Variants in SLC16A2 observed in about 807,000 individuals in gnomAD.
The protein encoded by SLC16A2 is solute carrier family 16 member 2.
Under a neutral mutation model 27.2 loss-of-function variants are expected in SLC16A2, and 3 were observed. That is an observed-to-expected ratio of 0.11 (90% confidence interval 0.05 to 0.28). SLC16A2 has a LOEUF of 0.28. Ranked by LOEUF, SLC16A2 falls within the 10% of genes least tolerant of loss-of-function variation. The pLI is 1.00. For synonymous variants in SLC16A2, 202 were observed against 187.8 expected (o/e 1.08, Z -0.62); for missense variants, 295 against 458.5 (o/e 0.64, Z 3.26).
At chrX:74,527,154 A>T (rs756259258) in intron 4 of SLC16A2, among the ~76,000 whole-genome samples, 5 of 112,276 alleles carry the variant, frequency 4.5e-5, no homozygotes, top group Non-Finnish European at 9.4e-5. Flanking sequence ...AGCCAGTTAG[A>T]GGCCAAGATA....
At chrX:74,472,984 C>T in intron 1 of SLC16A2, 1 of 457,504 alleles carries the variant, frequency 2.2e-6, no homozygotes, top group Non-Finnish European at 3.9e-6. Context: ...ACTTCTCTGG[C>T]TCTCCGCTCC....
chrX:74,506,942 T>TTATTTATTTA (rs1569296956), intron 1 of SLC16A2, among the ~76,000 whole-genome samples: 1 of 49,723 alleles, frequency 2.0e-5, no homozygotes, highest in East Asian at 3.9e-4. Flanking sequence ...TATTTATTTT[T>TTATTTATTTA]TTTTTTTTGA....
chrX:74,516,623 A>G, intron 1 of SLC16A2, among the ~76,000 whole-genome samples: 1 of 111,734 alleles, frequency 8.9e-6, no homozygotes, highest in Middle Eastern at 4.6e-3. Flanking sequence ...TAAAAAAGGT[A>G]TACAAAGGAA....
intron 1 of SLC16A2, among the ~76,000 whole-genome samples, chrX:74,495,755 C>T (rs1043961925): frequency 2.7e-5 from 3 of 111,418 alleles, no homozygotes; most frequent in Non-Finnish European, 5.7e-5. Flanking sequence ...CCTTTACTGT[C>T]AGGAAGGTCT....
At chrX:74,487,265 A>G in intron 1 of SLC16A2, among the ~76,000 whole-genome samples, 1 of 110,658 alleles carries the variant, frequency 9.0e-6, no homozygotes, top group Non-Finnish European at 1.9e-5. Context: ...GGGTCCCTTA[A>G]CCCTCAAATT....
At chrX:74,430,296 A>C (rs1301734018) in intron 1 of SLC16A2, among the ~76,000 whole-genome samples, 1 of 112,039 alleles carries the variant, frequency 8.9e-6, no homozygotes, top group Non-Finnish European at 1.9e-5. Context: ...TTGGACCCAG[A>C]CAGTCTGAGT....
chrX:74,450,045 C>A (rs1386071800), intron 1 of SLC16A2, among the ~76,000 whole-genome samples: 1 of 112,005 alleles, frequency 8.9e-6, no homozygotes, highest in African/African-American at 3.2e-5. Context: ...ATTTTAGCAT[C>A]GCTCAAAGCC....
At chrX:74,466,797 G>T (rs749232958) in intron 1 of SLC16A2, among the ~76,000 whole-genome samples, 3 of 111,974 alleles carry the variant, frequency 2.7e-5, no homozygotes, top group African/African-American at 9.7e-5. Context: ...TAAAAACAAC[G>T]TTGTCCTTCC....
chrX:74,511,318 A>ACTAT (rs1209083820), intron 1 of SLC16A2, among the ~76,000 whole-genome samples: 1 of 110,133 alleles, frequency 9.1e-6, no homozygotes, highest in African/African-American at 3.3e-5. Flanking sequence ...AGTAGCTGGG[A>ACTAT]CTATAGGCAC....
Position 74,421,807 on chromosome X carries a change from C to T in SLC16A2, c.170C>T (p.Pro57Leu). ...CCCGAGCCCCAGCCGGAGCCCCAGC[C>T]CCTACCGGACCCCGCACCCCTGCCG... ...PPPEPQPEPQPLPDPAPLPEL... is the reference protein window; with the variant it reads ...PPPEPQPEPQLLPDPAPLPEL... Residue 57 changes from proline (P) to leucine (L), a missense_variant, in exon 1 of 6, where the codon CCC becomes CTC. Physicochemically the swap from Pro to Leu is moderately conservative, Grantham distance 98 (BLOSUM62 -3). This residue lies in a region of SLC16A2 where 92 missense variants were observed against 85.1 expected (regional missense o/e 1.08). Coordinates refer to ENST00000587091, the MANE Select transcript of SLC16A2 (RefSeq NM_006517.5). The T allele has an allele frequency of 8.6e-7, 1 of 1,163,068 alleles. No individual in the cohort carries two copies. The highest frequency in any genetic ancestry group is 3.1e-5 in the East Asian group (1 of 32,196).
intron 1 of SLC16A2, among the ~76,000 whole-genome samples, chrX:74,471,142 C>G (rs1929348301): frequency 9.0e-6 from 1 of 111,658 alleles, no homozygotes; most frequent in African/African-American, 3.3e-5. Context: ...ATGGATTGTG[C>G]CTTTGTTGTT....
chrX:74,448,924 A>G (rs523649), intron 1 of SLC16A2, among the ~76,000 whole-genome samples: 49,479 of 109,911 alleles, frequency 0.45, 9,066 homozygotes, highest in East Asian at 0.96. Context: ...ACAGCCCCTG[A>G]GAGTTGTTCC....
chrX:74,442,017 T>C (rs1315889994), intron 1 of SLC16A2, among the ~76,000 whole-genome samples: 1 of 108,178 alleles, frequency 9.2e-6, no homozygotes, highest in Non-Finnish European at 1.9e-5. Context: ...TCACCTGAGG[T>C]TGGGAGTTGA....
chrX:74,501,613 G>C (rs1930037124), intron 1 of SLC16A2, among the ~76,000 whole-genome samples: 1 of 111,211 alleles, frequency 9.0e-6, no homozygotes, highest in South Asian at 3.9e-4. Flanking sequence ...TCCAGCAAAA[G>C]TTACCACATG....
rs939425855 is a variant in SLC16A2, at chrX:74,496,066, C to T, written c.431-24924C>T. On this transcript the variant is annotated intron_variant, in intron 1 of 5. Transcript: ENST00000587091. ...GGTCTTCCAGATAAGGAAGCAGGAA[C>T]TTTCCCCAGGAAACACAGAGCTGGA... Among the ~76,000 whole-genome samples the T allele has an allele frequency of 9.8e-5, 11 of 111,703 alleles. No individual in the cohort carries two copies. In the South Asian group the frequency reaches 1.1e-3, roughly 12 times the overall value.
In SLC16A2 at chrX:74,521,069, C is replaced by T; in HGVS notation, c.510C>T (p.Cys170=). The T allele has an allele frequency of 8.3e-7, 1 of 1,211,953 alleles. No individual in the cohort carries two copies. Among genetic ancestry groups the T allele is most frequent in the Non-Finnish European group, 1.1e-6 (1 of 895,454 alleles). The change falls in exon 2 of 6, where the codon TGC becomes TGT. Residue 170 remains cysteine, a synonymous_variant. Coordinates refer to ENST00000587091, the MANE Select transcript of SLC16A2 (RefSeq NM_006517.5). ...GTATATTCACTGACCGTTTGGGCTGCCGAATCACAGCAACCGCGGGGGCTG... is the reference window on the plus strand; with the variant it reads ...GTATATTCACTGACCGTTTGGGCTGTCGAATCACAGCAACCGCGGGGGCTG... ...IVSIFTDRLG[C]RITATAGAAV... is the part of the protein sequence containing the mutation.
chrX:74,477,190 T>C (rs1929500439), intron 1 of SLC16A2: 1 of 112,198 alleles, frequency 8.9e-6, no homozygotes, highest in Non-Finnish European at 1.9e-5. Flanking sequence ...ATTCCAGTTC[T>C]TCCTGGTTTA....
chrX:74,424,890 G>A (rs915255536), intron 1 of SLC16A2, among the ~76,000 whole-genome samples: 6 of 111,755 alleles, frequency 5.4e-5, no homozygotes, highest in African/African-American at 2.0e-4. Context: ...ATGGGATCTT[G>A]CTCTGTTGAC....
intron 1 of SLC16A2, among the ~76,000 whole-genome samples, chrX:74,458,807 C>T (rs1346881721): frequency 9.0e-6 from 1 of 111,464 alleles, no homozygotes; most frequent in Non-Finnish European, 1.9e-5. Flanking sequence ...CAGTAACCAC[C>T]ATTCTAAACT....
Sources: gnomAD v4.1 joint callset for allele counts (sites outside exome capture counted in the v4.1 genomes callset) on GRCh38, gnomAD v4.1.1 for gene constraint, gnomAD v4.1.1 regional missense constraint, MANE v1.5 for transcripts, NCBI Gene and HGNC (gene_info 2026-07-23, HGNC 2026-07-21) for gene names.